The following JMJD1C variants were observed in gnomAD, a reference collection of about 807,000 sequenced individuals.
The protein encoded by JMJD1C is jumonji domain-containing protein 1C.
Under a neutral mutation model 245.3 loss-of-function variants are expected in JMJD1C, and 31 were observed. The ratio of observed to expected loss-of-function variants is 0.13; its 90% confidence interval spans 0.09 to 0.17. JMJD1C has a LOEUF of 0.17. Ranked by LOEUF, JMJD1C falls within the 10% of genes least tolerant of loss-of-function variation. The pLI, the probability that JMJD1C is intolerant of heterozygous loss-of-function variation, is 1.00. For missense variants in JMJD1C, 2,691 were observed against 3,000.2 expected (o/e 0.90, Z 2.41); for synonymous variants, 1,057 against 1,017.4 (o/e 1.04, Z -0.74).
chr10:63,510,272 G>C (rs772077781), intron 1 of JMJD1C, among the ~76,000 whole-genome samples: 9 of 151,956 alleles, frequency 5.9e-5, no homozygotes, highest in Non-Finnish European at 1.2e-4. Flanking sequence ...CAAAGTGCTG[G>C]GACTACAGGC....
intron 2 of JMJD1C, among the ~76,000 whole-genome samples, chr10:63,287,157 T>C (rs1041339349): frequency 2.0e-5 from 3 of 152,184 alleles, no homozygotes; most frequent in Non-Finnish European, 2.9e-5. Flanking sequence ...AGGTACATAT[T>C]AGTATAATAT....
intron 1 of JMJD1C, among the ~76,000 whole-genome samples, chr10:63,408,272 G>T (rs1225939824): frequency 6.6e-6 from 1 of 151,864 alleles, no homozygotes; most frequent in Non-Finnish European, 1.5e-5. Flanking sequence ...GCGTGGAGGC[G>T]GGCGCCTGTA....
chr10:63,329,911 TTGTTTTTTGAGACGGAGTCTCGCTC>T (rs1941958947), intron 2 of JMJD1C, among the ~76,000 whole-genome samples: 1 of 152,196 alleles, frequency 6.6e-6, no homozygotes, highest in Non-Finnish European at 1.5e-5. Context: ...TTGTTTTGCT[TTGTTTTTTGAGACGGAGTCTCGCTC>T]TGTCGCCCAG....
intron 2 of JMJD1C, among the ~76,000 whole-genome samples, chr10:63,326,426 AAAGAT>A (rs1039498208): frequency 4.1e-5 from 6 of 148,006 alleles, no homozygotes; most frequent in African/African-American, 1.3e-4. Flanking sequence ...ATAAATAAAT[AAAGAT>A]AATAAAATAT....
At position 63,207,641 on chromosome 10, in the gene JMJD1C, A is replaced by G; in HGVS notation, c.4028T>C (p.Leu1343Pro). 6.2e-7 allele frequency: 1 copy of G among 1,614,056 alleles called. No homozygotes were observed. Residue 1343 changes from leucine to proline, a missense_variant, in exon 10 of 26, where the codon CTC (leucine) becomes CCC (proline). Transcript: ENST00000399262. ...SSAGAHKTDCLKLAEAGETGR... is the reference protein window; with the variant it reads ...SSAGAHKTDCPKLAEAGETGR... ...AGTTTCTCCGGCTTCTGCTAGTTTG[A>G]GGCAATCTGTTTTATGTGCCCCAGC...
chr10:63,495,096 A>ATT (rs113386532), intron 1 of JMJD1C, among the ~76,000 whole-genome samples: 1 of 146,306 alleles, frequency 6.8e-6, no homozygotes, highest in Admixed American at 6.8e-5. Context: ...GTGTTAGCGC[A>ATT]TTTTTTTTTT....
intron 2 of JMJD1C, among the ~76,000 whole-genome samples, chr10:63,361,719 T>C (rs1369066029): frequency 1.0e-5 from 1 of 95,548 alleles, no homozygotes; most frequent in East Asian, 3.6e-4. Flanking sequence ...CTGTCTCAAC[T>C]AAAAAAAAAA....
chr10:63,409,115 T>TTC (rs1949342064), intron 1 of JMJD1C, among the ~76,000 whole-genome samples: 1 of 152,258 alleles, frequency 6.6e-6, no homozygotes, highest in Non-Finnish European at 1.5e-5. Flanking sequence ...TACTTTAATG[T>TTC]TCTCTCTTAA....
At chr10:63,403,430 A>G (rs1441915572) in intron 1 of JMJD1C, among the ~76,000 whole-genome samples, 2 of 152,236 alleles carry the variant, frequency 1.3e-5, no homozygotes, top group Non-Finnish European at 2.9e-5. Context: ...GAGCTTGTGA[A>G]ATGACATATT....
In JMJD1C at chr10:63,345,926, G is replaced by A. The variant is rs144549591; in HGVS notation, c.333+34392C>T. The stretch of plus-strand genomic sequence containing the variant: ...AGGAGACAGGGAAAAAGGTACATAC[G>A]GAATAAAAGGAAACAGACCCAACTC... On this transcript the variant is annotated intron_variant, in intron 2 of 25. Coordinates refer to ENST00000399262, the MANE Select transcript of JMJD1C (RefSeq NM_032776.3). 3.1e-3 allele frequency among the ~76,000 whole-genome samples: 476 copies of A among 151,842 alleles called. 2 individuals are homozygous for A. Among genetic ancestry groups the A allele is most frequent in the African/African-American group, 0.011 (461 of 41,398 alleles).
intron 10 of JMJD1C, among the ~76,000 whole-genome samples, chr10:63,205,224 T>TC (rs1414489510): frequency 6.6e-6 from 1 of 152,160 alleles, no homozygotes. Flanking sequence ...ACCACAAGCC[T>TC]CCCCTTATGT....
intron 1 of JMJD1C, among the ~76,000 whole-genome samples, chr10:63,499,008 C>G (rs997335894): frequency 6.6e-6 from 1 of 152,300 alleles, no homozygotes; most frequent in African/African-American, 2.4e-5. Context: ...ATTTCACTGA[C>G]ACAGTGTCCT....
At chr10:63,440,365 T>TATATATAGAG (rs749850334) in intron 1 of JMJD1C, among the ~76,000 whole-genome samples, 13 of 138,250 alleles carry the variant, frequency 9.4e-5, no homozygotes, top group Non-Finnish European at 1.9e-4. Context: ...TATATATATA[T>TATATATAGAG]AGAGAGAGAG....
chr10:63,268,117 TA>T lies in JMJD1C; in HGVS notation c.334-3354del, dbSNP rs5785563. Among the ~76,000 whole-genome samples the T allele has an allele frequency of 4.8e-5, 7 of 147,350 alleles. No homozygotes were observed. The East Asian group carries it at 1.2e-3, about 25-fold the overall frequency. The stretch of plus-strand genomic sequence containing the variant: ...CGGTTAACAGTTAACAATTCCAAGT[TA>T]AAAAAAAAAACAGGCTTATTAACTG... On this transcript the variant is annotated intron_variant, in intron 2 of 25. Coordinates refer to ENST00000399262, the MANE Select transcript of JMJD1C (RefSeq NM_032776.3).
chr10:63,453,966 G>A (rs185783591), intron 1 of JMJD1C, among the ~76,000 whole-genome samples: 82 of 152,160 alleles, frequency 5.4e-4, no homozygotes, highest in Non-Finnish European at 8.5e-4. Flanking sequence ...CAGGTGATCC[G>A]CTCGCCTCAG....
intron 3 of JMJD1C, among the ~76,000 whole-genome samples, chr10:63,255,746 A>G (rs1853817712): frequency 6.6e-6 from 1 of 152,208 alleles, no homozygotes; most frequent in Non-Finnish European, 1.5e-5. Context: ...ATAAGAGAAT[A>G]CAATCTATTT....
chr10:63,376,171 G>A (rs1335391973), intron 2 of JMJD1C, among the ~76,000 whole-genome samples: 2 of 152,102 alleles, frequency 1.3e-5, no homozygotes, highest in Non-Finnish European at 2.9e-5. Context: ...ACAGTGTCAA[G>A]ACCATTCACT....
chr10:63,414,659 G>C lies in JMJD1C; in HGVS notation c.169-34177C>G, dbSNP rs189053286. 3.3e-4 allele frequency among the ~76,000 whole-genome samples: 50 copies of C among 152,152 alleles called. 1 individual carries two copies. Among genetic ancestry groups the C allele is most frequent in the African/African-American group, 1.2e-3 (49 of 41,510 alleles). On this transcript the variant is annotated intron_variant, in intron 1 of 25. Transcript: ENST00000399262. ...TCCCAACACTTTGGGAGGCTGAGGA[G>C]GGTGAATCACTTGAGGTCAGGAATT...
chr10:63,249,052 AC>A (rs1852680374), intron 3 of JMJD1C, among the ~76,000 whole-genome samples: 1 of 152,236 alleles, frequency 6.6e-6, no homozygotes, highest in Admixed American at 6.5e-5. Flanking sequence ...GTGGTGGCTC[AC>A]GCCTGTAATC....
Sources: allele counts gnomAD v4.1 joint callset (sites outside exome capture counted in the v4.1 genomes callset), GRCh38; gene constraint gnomAD v4.1.1; transcripts MANE v1.5; gene names NCBI Gene and HGNC (gene_info 2026-07-23, HGNC 2026-07-21).